The following MTRFR variants were observed in gnomAD, a reference collection of about 807,000 sequenced individuals.
MTRFR encodes the protein probable peptide chain release factor C12orf65, mitochondrial.
Under a neutral mutation model 11.9 loss-of-function variants are expected in MTRFR, and 10 were observed. That is an observed-to-expected ratio of 0.84 (90% CI 0.52 to 1.42). The LOEUF is 1.42. Among genes scored for constraint, MTRFR ranks in the 40% most tolerant of loss-of-function variants. The pLI is 0.00. For synonymous variants in MTRFR, 77 were observed against 79.1 expected, an observed-to-expected ratio of 0.97 and a Z score of 0.14; for missense variants, 196 against 197.9, an observed-to-expected ratio of 0.99 and a Z score of 0.06.
At position 123,253,967 on chromosome 12, in the gene MTRFR, G is replaced by T. The variant is rs768278614; in HGVS notation, c.282+11G>T. On this transcript the variant is annotated intron_variant, in intron 2 of 2. Transcript: ENST00000253233. ...GGCATCGTTGTAAAGGTAGATCACAGAAGGCCGCTGAGGGGAGAGGCCCCG... is the reference window on the plus strand; with the variant it reads ...GGCATCGTTGTAAAGGTAGATCACATAAGGCCGCTGAGGGGAGAGGCCCCG... 3 of 1,613,790 alleles carry T rather than the reference G, an allele frequency of 1.9e-6. No homozygotes were observed. In the South Asian group the frequency reaches 3.3e-5, roughly 18 times the overall value.
rs150799979 is a variant in MTRFR at position 123,238,609 on chromosome 12, T to A, written c.-29+5078T>A. On this transcript the variant is annotated intron_variant, in intron 1 of 2. Transcript: ENST00000253233. ...AACATGATGAAACCCCATCTCTACT[T>A]TTTTAGAAAAGAAAAAGAAAAGCTT... is the stretch of plus-strand genomic sequence containing the variant. 2.1e-3 allele frequency among the ~76,000 whole-genome samples: 323 copies of A among 152,180 alleles called. 1 individual carries two copies. Among genetic ancestry groups the A allele is most frequent in the African/African-American group, 7.4e-3 (309 of 41,542 alleles).
Position 123,253,793 on chromosome 12 carries a change from C to G in MTRFR, c.119C>G (p.Pro40Arg), listed in dbSNP as rs375329890. The change falls in exon 2 of 3, where the codon CCG becomes CGG. Residue 40 changes from proline (P) to arginine (R), a missense_variant. Coordinates refer to ENST00000253233, the MANE Select transcript of MTRFR (RefSeq NM_152269.5). The stretch of plus-strand genomic sequence containing the variant: ...TTATCCCCAGGAATAGCTGTCACTC[C>G]GGTCCAGATGGCAGGCAAGAAGGAC... ...TLLSPGIAVT[P>R]VQMAGKKDYP... 6.2e-7 allele frequency: 1 copy of G among 1,614,174 alleles called. No individual in the cohort carries two copies.
chr12:123,240,016 A>G (rs956469039), intron 1 of MTRFR, among the ~76,000 whole-genome samples: 2 of 152,066 alleles, frequency 1.3e-5, no homozygotes, highest in African/African-American at 2.4e-5. Flanking sequence ...TAGCCTTGCC[A>G]TGGGGTGTGG....
intron 1 of MTRFR, among the ~76,000 whole-genome samples, chr12:123,237,532 A>C (rs547506613): frequency 6.6e-6 from 1 of 152,354 alleles, no homozygotes; most frequent in Admixed American, 6.5e-5. Flanking sequence ...TAAGCATTCA[A>C]GCATTAAGCC....
chr12:123,255,314 C>T (rs1235371204), intron 2 of MTRFR, among the ~76,000 whole-genome samples: 1 of 152,196 alleles, frequency 6.6e-6, no homozygotes, highest in African/African-American at 2.4e-5. Context: ...CATGTAAAAC[C>T]TCAATCATTT....
chr12:123,254,055 T>C, intron 2 of MTRFR, 99 bp downstream of exon 2: 1 of 1,464,788 alleles, frequency 6.8e-7, no homozygotes, highest in Non-Finnish European at 9.2e-7. Flanking sequence ...CCGAAGTGCA[T>C]TATTTTTCTG....
At chr12:123,233,286 A>AG (rs779636760), upstream of MTRFR, 267 of 152,344 alleles carry the variant, frequency 1.8e-3, no homozygotes, top group Non-Finnish European at 3.3e-3. Context: ...GGGAGTGACA[A>AG]GGGGGCGGGA....
At position 123,256,813 on chromosome 12, in the gene MTRFR, T is replaced by C. The variant is rs1064793074; in HGVS notation, c.283T>C (p.Cys95Arg). The change falls in exon 3 of 3, where the codon TGC (cysteine) becomes CGC (arginine). Residue 95 changes from cysteine to arginine, a missense_variant and splice_region_variant. Coordinates refer to ENST00000253233, the MANE Select transcript of MTRFR (RefSeq NM_152269.5). ...CATTATAAAATATTATCTCTTACAG[T>C]GCCATCAGACAAGATCAGTTGATCA... Reference protein sequence around the residue: ...KHIPSGIVVKCHQTRSVDQNR... With the variant: ...KHIPSGIVVKRHQTRSVDQNR... 7 of 1,608,596 alleles carry C rather than the reference T, an allele frequency of 4.4e-6. No individual in the cohort carries two copies. The highest frequency in any genetic ancestry group is 6.0e-6 in the Non-Finnish European group (7 of 1,175,072).
rs764645112 is a variant in MTRFR, at chr12:123,253,932, CA to C, written c.259del (p.Ile87SerfsTer7). ...KTSNCVVLKH[I>X]PSGIVVKCHQ... ...CCAGCAACTGCGTGGTGCTGAAGCA[CA>C]TCCCCTCAGGCATCGTTGTAAAGGT... On this transcript the variant is annotated frameshift_variant, in exon 2 of 3. Coordinates refer to ENST00000253233, the MANE Select transcript of MTRFR (RefSeq NM_152269.5). LOFTEE classifies it high-confidence loss of function. The C allele has an allele frequency of 6.2e-6, 10 of 1,614,120 alleles. No homozygotes were observed. The highest frequency in any genetic ancestry group is 7.6e-6 in the Non-Finnish European group (9 of 1,180,048).
intron 1 of MTRFR, among the ~76,000 whole-genome samples, chr12:123,246,188 G>T (rs565628821): frequency 3.0e-4 from 46 of 151,830 alleles, no homozygotes; most frequent in African/African-American, 8.9e-4. Context: ...CTCCCGAGTA[G>T]CTGGATTACA....
At chr12:123,244,561 CAG>C (rs758678754) in intron 1 of MTRFR, among the ~76,000 whole-genome samples, 15 of 152,218 alleles carry the variant, frequency 9.9e-5, no homozygotes, top group South Asian at 2.1e-4. Context: ...TCCTGGGTGA[CAG>C]AGATTTTACT....
chr12:123,255,574 G>A (rs568562520), intron 2 of MTRFR, among the ~76,000 whole-genome samples: 2 of 151,716 alleles, frequency 1.3e-5, no homozygotes, highest in Admixed American at 6.6e-5. Flanking sequence ...CTCCCGCCTC[G>A]GCCTCCCGAG....
intron 1 of MTRFR, among the ~76,000 whole-genome samples, chr12:123,236,087 A>G (rs1377642717): frequency 6.6e-6 from 1 of 152,068 alleles, no homozygotes; most frequent in Non-Finnish European, 1.5e-5. Context: ...ATAAAAACTT[A>G]AAACAGAAAA....
intron 1 of MTRFR, among the ~76,000 whole-genome samples, chr12:123,243,529 CAAAAAA>C (rs55817401): frequency 0.2 from 23,060 of 117,876 alleles, 2,130 homozygotes; most frequent in Middle Eastern, 0.3. Context: ...GACTCCGTCT[CAAAAAA>C]AAAAAAAAAA....
intron 1 of MTRFR, among the ~76,000 whole-genome samples, chr12:123,234,822 G>A (rs2047814666): frequency 6.6e-6 from 1 of 152,156 alleles, no homozygotes; most frequent in African/African-American, 2.4e-5. Context: ...TTATCTTTCA[G>A]TGTGAACCTG....
chr12:123,235,505 C>T (rs1018946459), intron 1 of MTRFR, among the ~76,000 whole-genome samples: 1 of 151,780 alleles, frequency 6.6e-6, no homozygotes, highest in South Asian at 2.1e-4. Context: ...GCTGAGACTA[C>T]AGGTGCCTGC....
At chr12:123,234,073 A>G (rs1051583104) in intron 1 of MTRFR, 3 of 153,450 alleles carry the variant, frequency 2.0e-5, no homozygotes, top group African/African-American at 7.2e-5. Flanking sequence ...AAGTGCTGGG[A>G]TCACAGGCGC....
intron 1 of MTRFR, among the ~76,000 whole-genome samples, chr12:123,245,380 G>A (rs144987473): frequency 6.2e-4 from 95 of 152,144 alleles, no homozygotes; most frequent in Middle Eastern, 3.4e-3. Context: ...TTTTGGTTCC[G>A]TATGAATTTT....
Position 123,244,930 on chromosome 12 carries a change from A to ATTTTTTTTTTTTTT in MTRFR, c.-28-8700_-28-8687dup, listed in dbSNP as rs544105176. Among the ~76,000 whole-genome samples, 2 of 65,098 alleles carry ATTTTTTTTTTTTTT rather than the reference A, an allele frequency of 3.1e-5. 1 individual carries two copies. Among genetic ancestry groups the ATTTTTTTTTTTTTT allele is most frequent in the Non-Finnish European group, 4.9e-5 (2 of 40,474 alleles). 42.7% of individuals were successfully genotyped at this position (65,098 alleles called of 152,430 possible). A position where few individuals can be genotyped will look rare whatever the true frequency, so the allele number is the denominator to read the frequency against. The stretch of plus-strand genomic sequence containing the variant: ...ACAGGTATGAGCCACCGCACCCGGC[A>ATTTTTTTTTTTTTT]TTTTTTTTTTTTTTTTTTTTTTTTT... On this transcript the variant is annotated intron_variant, in intron 1 of 2. Coordinates refer to ENST00000253233, the MANE Select transcript of MTRFR (RefSeq NM_152269.5).
Sources: allele counts gnomAD v4.1 joint callset (sites outside exome capture counted in the v4.1 genomes callset), GRCh38; gene constraint gnomAD v4.1.1; transcripts MANE v1.5; gene names NCBI Gene and HGNC (gene_info 2026-07-23, HGNC 2026-07-21).